Variants in RBP3 observed in about 807,000 individuals in gnomAD.
RBP3 encodes retinol binding protein 3.
In RBP3, 50 loss-of-function variants were observed where a neutral mutation model predicts 64.8. The ratio of observed to expected loss-of-function variants is 0.77; its 90% confidence interval spans 0.61 to 0.98. The LOEUF is 0.98. Ranked by LOEUF, RBP3 falls within the 50% of genes least tolerant of loss-of-function variation. The pLI, the probability that RBP3 is intolerant of heterozygous loss-of-function variation, is 0.00. For synonymous variants in RBP3, 828 were observed against 730.2 expected, an observed-to-expected ratio of 1.13 and a Z score of -2.16; for missense variants, 1,712 against 1,660.5, an observed-to-expected ratio of 1.03 and a Z score of -0.54.
intron 1 of RBP3, among the ~76,000 whole-genome samples, chr10:47,352,594 C>T (rs1028893063): frequency 6.6e-6 from 1 of 152,236 alleles, no homozygotes; most frequent in African/African-American, 2.4e-5. Context: ...GCCTGGAGGG[C>T]AGTGTCTCTG....
chr10:47,349,429 A>G lies in RBP3; in HGVS notation c.945A>G (p.Lys315=). ...CTCCGGCCGAGCAGGCCCTGGAGAA[A>G]GCCCTGGCCATCCTCACTCTGCGCA... ...VGTPAEQALE[K]ALAILTLRSA... is the part of the protein sequence containing the mutation. The change falls in exon 1 of 4, where the codon AAA becomes AAG. Residue 315 remains lysine (K), a synonymous_variant. Coordinates refer to ENST00000584701, the MANE Select transcript of RBP3 (RefSeq NM_002900.3). The G allele has an allele frequency of 1.2e-6, 2 of 1,612,196 alleles. No homozygotes were observed. Among genetic ancestry groups the G allele is most frequent in the Non-Finnish European group, 1.7e-6 (2 of 1,180,002 alleles).
At position 47,350,072 on chromosome 10, in the gene RBP3, C is replaced by T. The variant is rs202162675; in HGVS notation, c.1588C>T (p.Arg530Cys). The change falls in exon 1 of 4, where the codon CGC (arginine) becomes TGC (cysteine). Residue 530 changes from arginine (R) to cysteine (C), a missense_variant. Transcript: ENST00000584701. ...CAGCCACATGGAGCTCCCGGGCCCA[C>T]GCTACAGCACCCAACGTGGGGTGTA... ...HFSHMELPGP[R>C]YSTQRGVYLL... 47 of 1,612,990 alleles carry T rather than the reference C, an allele frequency of 2.9e-5. No homozygotes were observed. Among genetic ancestry groups the T allele is most frequent in the Middle Eastern group, 1.6e-4 (1 of 6,062 alleles).
At position 47,350,817 on chromosome 10, in the gene RBP3, T is replaced by A; in HGVS notation, c.2333T>A (p.Leu778Gln). The A allele has an allele frequency of 5.0e-6, 8 of 1,613,070 alleles. No homozygotes were observed. The highest frequency in any genetic ancestry group is 6.8e-6 in the Non-Finnish European group (8 of 1,180,024). ...CAACAGCTGGTGGACACGGCTGCGC[T>A]GGTGATCGACCTGCGCTACAACCCT... ...VWQQLVDTAA[L>Q]VIDLRYNPGS... The change falls in exon 1 of 4, where the codon CTG (leucine) becomes CAG (glutamine). Residue 778 changes from leucine to glutamine, a missense_variant. Transcript: ENST00000584701.
chr10:47,355,694 G>A (rs782075300), intron 3 of RBP3, among the ~76,000 whole-genome samples, 176 bp downstream of exon 3: 10 of 151,964 alleles, frequency 6.6e-5, no homozygotes, highest in Non-Finnish European at 1.2e-4. Flanking sequence ...CACTATGCCC[G>A]TTTTCTAGAG....
Position 47,348,787 on chromosome 10 carries a change from A to T in RBP3, c.303A>T (p.Gln101His). Reference protein sequence around the residue: ...YEPSTPEPPPQVPALTSLSEE... With the variant: ...YEPSTPEPPPHVPALTSLSEE... The stretch of plus-strand genomic sequence containing the variant: ...CCAGCACCCCCGAGCCTCCCCCACA[A>T]GTCCCAGCACTCACCAGCCTCTCAG... The change falls in exon 1 of 4, where the codon CAA becomes CAT. Residue 101 changes from glutamine to histidine, a missense_variant. Transcript: ENST00000584701. The T allele has an allele frequency of 6.2e-7, 1 of 1,613,652 alleles. No homozygotes were observed. Among genetic ancestry groups the T allele is most frequent in the Non-Finnish European group, 8.5e-7 (1 of 1,180,008 alleles).
chr10:47,350,513 GTGGACTTGGAGTCTC>G lies in RBP3; in HGVS notation c.2033_2047del (p.Asp678_Leu682del). The G allele has an allele frequency of 6.2e-7, 1 of 1,612,886 alleles. No homozygotes were observed. Among genetic ancestry groups the G allele is most frequent in the Non-Finnish European group, 8.5e-7 (1 of 1,180,032 alleles). Reference sequence around the variant, plus strand: ...GGCCCAGGGCGCCTACCGCACAGCTGTGGACTTGGAGTCTCTGGCCTCTCAGCTCACAGCAGACCT... The same window carrying G: ...GGCCCAGGGCGCCTACCGCACAGCTGTGGCCTCTCAGCTCACAGCAGACCT... On this transcript the variant is annotated inframe_deletion, in exon 1 of 4. Transcript: ENST00000584701.
rs35686775 is a variant in RBP3 at position 47,348,971 on chromosome 10, T to C, written c.487T>C (p.Ser163Pro). Residue 163 changes from serine (S) to proline (P), a missense_variant, in exon 1 of 4, where the codon TCC becomes CCC. By Grantham distance (74) the Ser-to-Pro change is moderately conservative (BLOSUM62 -1). Coordinates refer to ENST00000584701, the MANE Select transcript of RBP3 (RefSeq NM_002900.3). ...CGTGTGGGGGAATCTCATGGGCACC[T>C]CCGCCTTAGTGCTGGATCTCCGGCA... ...AHVWGNLMGT[S>P]ALVLDLRHCT... The C allele has an allele frequency of 1.0e-3, 1,682 of 1,613,894 alleles. 19 individuals carry two copies. The African/African-American group carries it at 0.02, about 20-fold the overall frequency.
At position 47,349,742 on chromosome 10, in the gene RBP3, G is replaced by A. The variant is rs149484678; in HGVS notation, c.1258G>A (p.Ala420Thr). 27 of 1,612,558 alleles carry A rather than the reference G, an allele frequency of 1.7e-5. No individual in the cohort carries two copies. The African/African-American group carries it at 3.5e-4, about 21-fold the overall frequency. ...GGCCCCAGAGTTGCCTGAGGACGAG[G>A]CTATCCGGCAAGCACTGGTGGACTC... ...GVAPELPEDE[A>T]IRQALVDSVF... The change falls in exon 1 of 4, where the codon GCT becomes ACT. Residue 420 changes from alanine (A) to threonine (T), a missense_variant. By Grantham distance (58) the Ala-to-Thr change is moderately conservative. Transcript: ENST00000584701.
rs1836904402 is a variant in RBP3 at position 47,349,175 on chromosome 10, A to G, written c.691A>G (p.Thr231Ala). Residue 231 changes from threonine (T) to alanine (A), a missense_variant, in exon 1 of 4, where the codon ACC (threonine) becomes GCC (alanine). Thr to Ala is a moderately conservative substitution (Grantham distance 58, BLOSUM62 0). Transcript: ENST00000584701. The stretch of plus-strand genomic sequence containing the variant: ...TGCCGACAAGGATGTGGTGGTCCTC[A>G]CCAGCAGCCAGACCAGGGGCGTGGC... ...YGADKDVVVLTSSQTRGVAED... is the reference protein window; with the variant it reads ...YGADKDVVVLASSQTRGVAED... The G allele has an allele frequency of 6.2e-7, 1 of 1,613,706 alleles. No individual in the cohort carries two copies. Among genetic ancestry groups the G allele is most frequent in the African/African-American group, 1.3e-5 (1 of 75,032 alleles).
rs1192156226 is a variant in RBP3 at position 47,350,507 on chromosome 10, A to G, written c.2023A>G (p.Thr675Ala). ...RAKLAQGAYR[T>A]AVDLESLASQ... ...CAAGCTGGCCCAGGGCGCCTACCGC[A>G]CAGCTGTGGACTTGGAGTCTCTGGC... is the stretch of plus-strand genomic sequence containing the variant. The change falls in exon 1 of 4, where the codon ACA (threonine) becomes GCA (alanine). Residue 675 changes from threonine to alanine, a missense_variant. By Grantham distance (58) the Thr-to-Ala change is moderately conservative. Coordinates refer to ENST00000584701, the MANE Select transcript of RBP3 (RefSeq NM_002900.3). 4 of 1,612,722 alleles carry G rather than the reference A, an allele frequency of 2.5e-6. No homozygotes were observed. The East Asian group carries it at 8.9e-5, about 36-fold the overall frequency.
rs74578742 is a variant in RBP3 at position 47,357,259 on chromosome 10, C to A, written c.3546C>A (p.His1182Gln). 2.5e-6 allele frequency: 4 copies of A among 1,614,122 alleles called. No individual in the cohort carries two copies. In the Admixed American group the frequency reaches 5.0e-5, roughly 20 times the overall value. ...GCTGCCAGCCACCACAGACCTACCA[C>A]GTGGATGACACCAACCTCTACCTCA... The part of the protein sequence containing the change: ...SGGCQPPQTY[H>Q]VDDTNLYLTI... Residue 1182 changes from histidine (H) to glutamine (Q), a missense_variant, in exon 4 of 4, where the codon CAC becomes CAA. By Grantham distance (24) the His-to-Gln change is conservative. Coordinates refer to ENST00000584701, the MANE Select transcript of RBP3 (RefSeq NM_002900.3).
chr10:47,351,183 G>A lies in RBP3; in HGVS notation c.2699G>A (p.Ser900Asn), dbSNP rs782818273. The change falls in exon 1 of 4, where the codon AGT (serine) becomes AAT (asparagine). Residue 900 changes from serine to asparagine, a missense_variant. Coordinates refer to ENST00000584701, the MANE Select transcript of RBP3 (RefSeq NM_002900.3). ...TCCATGCCCACCCAGATGGCCATGA[G>A]TGCCACCACAGGCAAGGCCTGGGAC... ...YASMPTQMAM[S>N]ATTGKAWDLA... The A allele has an allele frequency of 1.9e-6, 3 of 1,613,236 alleles. No homozygotes were observed. The highest frequency in any genetic ancestry group is 2.2e-5 in the East Asian group (1 of 44,882).
At position 47,350,302 on chromosome 10, in the gene RBP3, G is replaced by C. The variant is rs144324507; in HGVS notation, c.1818G>C (p.Trp606Cys). The change falls in exon 1 of 4, where the codon TGG becomes TGC. Residue 606 changes from tryptophan (W) to cysteine (C), a missense_variant. Transcript: ENST00000584701. Reference protein sequence around the residue: ...LTFIDNHGEAWLGGGVVPDAI... With the variant: ...LTFIDNHGEACLGGGVVPDAI... ...TCATCGACAATCACGGCGAGGCCTGGCTGGGTGGTGGAGTGGTGCCCGATG... is the reference window on the plus strand; with the variant it reads ...TCATCGACAATCACGGCGAGGCCTGCCTGGGTGGTGGAGTGGTGCCCGATG... The C allele has an allele frequency of 6.2e-7, 1 of 1,609,880 alleles. No individual in the cohort carries two copies. Among genetic ancestry groups the C allele is most frequent in the East Asian group, 2.2e-5 (1 of 44,890 alleles).
intron 1 of RBP3, 104 bp downstream of exon 1, chr10:47,351,642 A>G: frequency 7.8e-6 from 11 of 1,404,950 alleles, no homozygotes; most frequent in African/African-American, 1.4e-5. Flanking sequence ...TGGCTTTTAG[A>G]TTTGTTCTCA....
In RBP3 at chr10:47,351,109, C is replaced by A. The variant is rs142862418; in HGVS notation, c.2625C>A (p.Gly875=). Residue 875 remains glycine (G), a synonymous_variant, in exon 1 of 4, where the codon GGC becomes GGA. Transcript: ENST00000584701. Reference sequence around the variant, plus strand: ...TCATTGGGGAGCCCACGGCCGGAGGCGCACTCTCTGTGGGCATCTACCAGG... The same window carrying A: ...TCATTGGGGAGCCCACGGCCGGAGGAGCACTCTCTGTGGGCATCTACCAGG... ...ATVIGEPTAG[G]ALSVGIYQVG... is the part of the protein sequence containing the mutation. The A allele has an allele frequency of 1.2e-5, 19 of 1,612,764 alleles. No homozygotes were observed. The Admixed American group carries it at 3.2e-4, about 27-fold the overall frequency.
In RBP3 at chr10:47,351,129, A is replaced by G; in HGVS notation, c.2645A>G (p.Tyr882Cys). The change falls in exon 1 of 4, where the codon TAC becomes TGC. Residue 882 changes from tyrosine (Y) to cysteine (C), a missense_variant. Coordinates refer to ENST00000584701, the MANE Select transcript of RBP3 (RefSeq NM_002900.3). Reference protein sequence around the residue: ...TAGGALSVGIYQVGSSPLYAS... With the variant: ...TAGGALSVGICQVGSSPLYAS... ...GGAGGCGCACTCTCTGTGGGCATCT[A>G]CCAGGTGGGCAGCAGCCCCTTATAT... 6.2e-7 allele frequency: 1 copy of G among 1,613,016 alleles called. No individual in the cohort carries two copies. The highest frequency in any genetic ancestry group is 2.2e-5 in the East Asian group (1 of 44,882).
chr10:47,356,513 A>G (rs1439347576), intron 3 of RBP3, among the ~76,000 whole-genome samples: 15 of 152,334 alleles, frequency 9.8e-5, no homozygotes, highest in African/African-American at 3.1e-4. Context: ...ACATTATGAA[A>G]AGAAAACCTC....
chr10:47,349,187 AC>A lies in RBP3; in HGVS notation c.705del (p.Arg236GlyfsTer34). The stretch of plus-strand genomic sequence containing the variant: ...TGTGGTGGTCCTCACCAGCAGCCAG[AC>A]CAGGGGCGTGGCCGAGGACATCGCG... Reference protein sequence around the residue: ...KDVVVLTSSQTRGVAEDIAHI... With the variant: ...KDVVVLTSSQXRGVAEDIAHI... On this transcript the variant is annotated frameshift_variant, in exon 1 of 4. Coordinates refer to ENST00000584701, the MANE Select transcript of RBP3 (RefSeq NM_002900.3). LOFTEE classifies it high-confidence loss of function. The A allele has an allele frequency of 6.2e-7, 1 of 1,613,710 alleles. No homozygotes were observed. The highest frequency in any genetic ancestry group is 1.1e-5 in the South Asian group (1 of 91,082).
intron 1 of RBP3, among the ~76,000 whole-genome samples, chr10:47,352,423 A>G (rs541862902): frequency 6.6e-6 from 1 of 152,272 alleles, no homozygotes; most frequent in Non-Finnish European, 1.5e-5. Context: ...GCTATAGGAG[A>G]GCCTGTCAGT....
Sources: gnomAD v4.1 joint callset for allele counts (sites outside exome capture counted in the v4.1 genomes callset) on GRCh38, gnomAD v4.1.1 for gene constraint, MANE v1.5 for transcripts, NCBI Gene and HGNC (gene_info 2026-07-23, HGNC 2026-07-21) for gene names.